The following LTBP1 variants were observed in gnomAD, a reference collection of about 807,000 sequenced individuals.
The protein encoded by LTBP1 is latent-transforming growth factor beta-binding protein 1.
In LTBP1, 129 loss-of-function variants were observed where a neutral mutation model predicts 207.6. That is an observed-to-expected ratio of 0.62 (90% CI 0.54 to 0.72). The LOEUF (loss-of-function observed/expected upper bound fraction) is 0.72, where lower values mean the gene tolerates loss of function less well. Ranked by LOEUF, LTBP1 falls within the 30% of genes least tolerant of loss-of-function variation. LTBP1 has a pLI of 0.00. For synonymous variants in LTBP1, 963 were observed against 833.7 expected, an observed-to-expected ratio of 1.16 and a Z score of -2.67; for missense variants, 2,281 against 2,217.2, an observed-to-expected ratio of 1.03 and a Z score of -0.58.
intron 21 of LTBP1, 43 bp downstream of exon 21, chr2:33,300,616 G>A (rs1220374682): frequency 6.3e-7 from 1 of 1,584,716 alleles, no homozygotes; most frequent in African/African-American, 1.3e-5. Flanking sequence ...TCAGCTTAAA[G>A]CACCTGGTCT....
At chr2:33,167,390 A>G (rs941412630) in intron 5 of LTBP1, among the ~76,000 whole-genome samples, 10 of 151,790 alleles carry the variant, frequency 6.6e-5, no homozygotes, top group Non-Finnish European at 1.3e-4. Flanking sequence ...AACATATATT[A>G]GGTACCGACC....
chr2:32,957,028 C>T (rs770362462), intron 2 of LTBP1, among the ~76,000 whole-genome samples: 10 of 152,198 alleles, frequency 6.6e-5, no homozygotes. Context: ...ATGCTGTAAA[C>T]ACACAGACTG....
chr2:32,974,268 T>C (rs1020788130), intron 2 of LTBP1, among the ~76,000 whole-genome samples: 11 of 152,188 alleles, frequency 7.2e-5, no homozygotes, highest in Non-Finnish European at 1.6e-4. Context: ...TTTGTTATTG[T>C]CTATTTTTTC....
intron 7 of LTBP1, among the ~76,000 whole-genome samples, chr2:33,197,661 A>G (rs941485024): frequency 6.6e-6 from 1 of 152,218 alleles, no homozygotes; most frequent in Admixed American, 6.5e-5. Context: ...TGTTTCAAAC[A>G]TGTTTTATTG....
At chr2:33,291,528 T>C (rs905187656) in intron 19 of LTBP1, 8 of 152,204 alleles carry the variant, frequency 5.3e-5, no homozygotes, top group African/African-American at 1.9e-4. Context: ...TTTCAAGTTG[T>C]TTGCCTTCAG....
At chr2:33,328,737 G>A (rs1051951041) in intron 24 of LTBP1, among the ~76,000 whole-genome samples, 2 of 152,164 alleles carry the variant, frequency 1.3e-5, no homozygotes, top group African/African-American at 2.4e-5. Context: ...TGGGGACACA[G>A]CCAAACCATA....
intron 8 of LTBP1, among the ~76,000 whole-genome samples, chr2:33,220,405 G>A (rs1326074064): frequency 6.6e-6 from 1 of 151,860 alleles, no homozygotes; most frequent in Non-Finnish European, 1.5e-5. Context: ...TGAAGTTTTT[G>A]TTTAGCCACA....
intron 14 of LTBP1, among the ~76,000 whole-genome samples, chr2:33,263,092 G>A (rs568113053): frequency 2.0e-5 from 3 of 151,948 alleles, no homozygotes; most frequent in East Asian, 1.9e-4. Flanking sequence ...TTTGATGAAC[G>A]ATCATTTTTC....
intron 13 of LTBP1, among the ~76,000 whole-genome samples, 174 bp from the exon 14 acceptor site, chr2:33,262,540 CTTTTTTTT>C (rs369761322): frequency 3.0e-5 from 3 of 98,496 alleles, no homozygotes; most frequent in African/African-American, 1.1e-4. Flanking sequence ...ATCAAAGGTT[CTTTTTTTT>C]TTTTTTTTTT....
chr2:33,107,859 G>A (rs1186408412), intron 3 of LTBP1, among the ~76,000 whole-genome samples: 4 of 152,052 alleles, frequency 2.6e-5, no homozygotes, highest in East Asian at 3.9e-4. Context: ...GAAAAATTAC[G>A]GTTACATTGC....
At chr2:33,044,045 T>A (rs1419472053) in intron 3 of LTBP1, among the ~76,000 whole-genome samples, 1 of 151,952 alleles carries the variant, frequency 6.6e-6, no homozygotes, top group Non-Finnish European at 1.5e-5. Flanking sequence ...TTCGTTTTTT[T>A]TTTTTCTTCA....
At chr2:33,377,335 A>C (rs910231978) in intron 31 of LTBP1, among the ~76,000 whole-genome samples, 4 of 152,224 alleles carry the variant, frequency 2.6e-5, no homozygotes, top group Non-Finnish European at 5.9e-5. Flanking sequence ...GATTGAAGCT[A>C]CTGCCTCAGT....
chr2:33,240,571 G>A (rs1226296695), intron 9 of LTBP1, among the ~76,000 whole-genome samples: 3 of 149,326 alleles, frequency 2.0e-5, no homozygotes, highest in African/African-American at 7.4e-5. Context: ...GAAGTCCTAT[G>A]TTAAAATTAT....
In LTBP1 at chr2:33,363,454, G is replaced by A. The variant is rs1446701140; in HGVS notation, c.4335G>A (p.Arg1445=). 2.5e-6 allele frequency: 4 copies of A among 1,613,902 alleles called. No individual in the cohort carries two copies. In the East Asian group the frequency reaches 8.9e-5, roughly 36 times the overall value. Residue 1445 remains arginine (R), a synonymous_variant, in exon 29 of 34, where the codon CGG becomes CGA. Transcript: ENST00000404816. ...AAAATGGTTTCTGTTTGAACACTCG[G>A]CCTGGGTATGAATGCTACTGTAAGC... ...ICKNGFCLNT[R]PGYECYCKQG...
intron 23 of LTBP1, among the ~76,000 whole-genome samples, chr2:33,310,316 A>C (rs762776767): frequency 6.6e-6 from 1 of 152,166 alleles, no homozygotes; most frequent in Non-Finnish European, 1.5e-5. Context: ...AGAGGATCTT[A>C]TATTTTTTCA....
intron 20 of LTBP1, among the ~76,000 whole-genome samples, chr2:33,297,732 TCAAAA>T (rs1181487790): frequency 2.6e-5 from 4 of 152,104 alleles, no homozygotes; most frequent in Admixed American, 6.5e-5. Flanking sequence ...CCCTGCCTTT[TCAAAA>T]CAAAACAAAA....
chr2:33,226,179 G>A (rs930100956), intron 9 of LTBP1, among the ~76,000 whole-genome samples: 2 of 152,130 alleles, frequency 1.3e-5, no homozygotes, highest in African/African-American at 2.4e-5. Context: ...TGCCTGCTAC[G>A]ATTATGGAAT....
chr2:33,309,949 C>CTTTTT (rs397984258), intron 23 of LTBP1, among the ~76,000 whole-genome samples: 2 of 136,416 alleles, frequency 1.5e-5, no homozygotes, highest in Non-Finnish European at 1.6e-5. Flanking sequence ...CCCGCCATTG[C>CTTTTT]TTTTTTTTTT....
intron 2 of LTBP1, among the ~76,000 whole-genome samples, chr2:32,988,274 TAC>T (rs1266664100): frequency 2.0e-5 from 3 of 152,246 alleles, no homozygotes; most frequent in Admixed American, 2.0e-4. Context: ...AGGAAAATTG[TAC>T]ACTCTTTTGA....
Sources: allele counts gnomAD v4.1 joint callset (sites outside exome capture counted in the v4.1 genomes callset), GRCh38; gene constraint gnomAD v4.1.1; transcripts MANE v1.5; gene names NCBI Gene and HGNC (gene_info 2026-07-23, HGNC 2026-07-21).